Variants in OLFM2 observed in about 807,000 individuals in gnomAD.
OLFM2 encodes the protein noelin-2.
Under a neutral mutation model 43.9 loss-of-function variants are expected in OLFM2, and 20 were observed. The ratio of observed to expected loss-of-function variants is 0.46; its 90% CI spans 0.32 to 0.66. OLFM2 has a LOEUF of 0.66. OLFM2 is among the 30% of genes least tolerant of loss of function. The pLI, the probability that OLFM2 is intolerant of heterozygous loss-of-function variation, is 0.04. For missense variants in OLFM2, 416 were observed against 643.6 expected (o/e 0.65, Z 3.83); for synonymous variants, 268 against 278.6 (o/e 0.96, Z 0.38).
chr19:9,895,627 TTTA>T (rs2046677001), intron 1 of OLFM2, among the ~76,000 whole-genome samples: 2 of 152,118 alleles, frequency 1.3e-5, no homozygotes, highest in African/African-American at 4.8e-5. Context: ...GGAAACTTTA[TTTA>T]TTTTTATTAT....
chr19:9,912,066 C>T (rs932571360), intron 1 of OLFM2, among the ~76,000 whole-genome samples: 5 of 152,156 alleles, frequency 3.3e-5, no homozygotes, highest in African/African-American at 1.2e-4. Context: ...GCACATCGGA[C>T]CCCATGCCGG....
chr19:9,889,439 AG>A, intron 1 of OLFM2, among the ~76,000 whole-genome samples: 1 of 151,978 alleles, frequency 6.6e-6, no homozygotes, highest in Non-Finnish European at 1.5e-5. Flanking sequence ...TTGTAGAGAT[AG>A]GGTCTCACTA....
intron 2 of OLFM2, among the ~76,000 whole-genome samples, chr19:9,859,681 G>A (rs2046352122): frequency 6.6e-6 from 1 of 152,194 alleles, no homozygotes; most frequent in African/African-American, 2.4e-5. Context: ...CCCTCCCCAA[G>A]GGGCACAGAA....
chr19:9,922,188 T>C (rs903182933), intron 1 of OLFM2, among the ~76,000 whole-genome samples: 9 of 152,098 alleles, frequency 5.9e-5, no homozygotes, highest in African/African-American at 2.2e-4. Flanking sequence ...GAGAAGATAT[T>C]TGCAGTCATT....
chr19:9,889,000 A>C (rs1484530084), intron 1 of OLFM2, among the ~76,000 whole-genome samples: 2 of 151,000 alleles, frequency 1.3e-5, no homozygotes, highest in Non-Finnish European at 2.9e-5. Context: ...CGGGAGGCAG[A>C]GGTTGCAGTG....
intron 1 of OLFM2, among the ~76,000 whole-genome samples, chr19:9,861,294 T>A (rs762631730): frequency 1.0e-4 from 15 of 150,548 alleles, no homozygotes; most frequent in South Asian, 2.1e-4. Context: ...AGTGGCGCGA[T>A]CTGGGCTCAC....
intron 1 of OLFM2, among the ~76,000 whole-genome samples, chr19:9,885,850 T>C (rs1599480659): frequency 6.6e-6 from 1 of 151,954 alleles, no homozygotes; most frequent in Non-Finnish European, 1.5e-5. Flanking sequence ...GTAATCCCAG[T>C]ACTTTGGGAG....
intron 1 of OLFM2, among the ~76,000 whole-genome samples, chr19:9,877,304 C>G (rs1401715805): frequency 1.3e-5 from 2 of 149,822 alleles, no homozygotes; most frequent in Admixed American, 6.7e-5. Context: ...GAGGCTGAGG[C>G]GGGCAGATCA....
At chr19:9,885,794 G>A (rs1228954565) in intron 1 of OLFM2, among the ~76,000 whole-genome samples, 1 of 152,022 alleles carries the variant, frequency 6.6e-6, no homozygotes, top group African/African-American at 2.4e-5. Flanking sequence ...CCCCTGCCCT[G>A]ACTTTCAATT....
chr19:9,931,074 A>C (rs2086479243), intron 1 of OLFM2, among the ~76,000 whole-genome samples: 1 of 151,908 alleles, frequency 6.6e-6, no homozygotes, highest in South Asian at 2.1e-4. Context: ...CATAATCTTA[A>C]ATCCAGCCCC....
chr19:9,921,511 C>T (rs1261775245), intron 1 of OLFM2, among the ~76,000 whole-genome samples: 8 of 145,366 alleles, frequency 5.5e-5, no homozygotes, highest in Admixed American at 1.4e-4. Context: ...TTTTTTGAGA[C>T]GGAGTCTCAC....
At chr19:9,877,553 A>C (rs2046501505) in intron 1 of OLFM2, among the ~76,000 whole-genome samples, 1 of 151,182 alleles carries the variant, frequency 6.6e-6, no homozygotes, top group Admixed American at 6.6e-5. Context: ...TAAATAAATA[A>C]ATAAATAAAT....
rs183701422 is a variant in OLFM2 at position 9,861,152 on chromosome 19, C to T, written c.64-358G>A. 3.3e-5 allele frequency among the ~76,000 whole-genome samples: 5 copies of T among 152,158 alleles called. No homozygotes were observed. In the East Asian group the frequency reaches 9.7e-4, roughly 29 times the overall value. On this transcript the variant is annotated intron_variant, in intron 1 of 5. Transcript: ENST00000264833. The stretch of plus-strand genomic sequence containing the variant: ...CAAACCTGGACCTCCTCTCTGCTTC[C>T]CCAGCCCACAGTGACATATCGGCTC...
chr19:9,909,196 G>T (rs1205733418), intron 1 of OLFM2, among the ~76,000 whole-genome samples: 1 of 152,086 alleles, frequency 6.6e-6, no homozygotes, highest in African/African-American at 2.4e-5. Flanking sequence ...TAAAGCAAAA[G>T]GTCCCCCTCA....
chr19:9,860,541 G>T, intron 2 of OLFM2, 104 bp downstream of exon 2: 3 of 1,223,578 alleles, frequency 2.5e-6, no homozygotes, highest in Non-Finnish European at 3.5e-6. Flanking sequence ...TGAATAATTT[G>T]CATAGCTGGA....
chr19:9,855,114 A>G (rs2046305309), intron 5 of OLFM2, among the ~76,000 whole-genome samples: 1 of 152,022 alleles, frequency 6.6e-6, no homozygotes, highest in African/African-American at 2.4e-5. Flanking sequence ...TAACCACCCA[A>G]TATCCAATGA....
chr19:9,890,232 G>A (rs1461838955), intron 1 of OLFM2, among the ~76,000 whole-genome samples: 1 of 152,134 alleles, frequency 6.6e-6, no homozygotes, highest in Non-Finnish European at 1.5e-5. Flanking sequence ...ACCCACTCCG[G>A]GGGCAGAGAA....
At position 9,857,575 on chromosome 19, in the gene OLFM2, C is replaced by G; in HGVS notation, c.361-93G>C. 6.4e-7 allele frequency: 1 copy of G among 1,557,772 alleles called. No individual in the cohort carries two copies. Among genetic ancestry groups the G allele is most frequent in the Non-Finnish European group, 8.8e-7 (1 of 1,137,302 alleles). On this transcript the variant is annotated intron_variant, in intron 3 of 5. Coordinates refer to ENST00000264833, the MANE Select transcript of OLFM2 (RefSeq NM_058164.4). The surrounding 1 kb of genome is among the most constrained non-coding windows in gnomAD (Gnocchi z 5.7). The stretch of plus-strand genomic sequence containing the variant: ...TCTGACTCATAACTTCACCCTTTGT[C>G]TTTGATGCACACCTGGCCCTTGACA...
chr19:9,894,689 A>G (rs1599485684), intron 1 of OLFM2, among the ~76,000 whole-genome samples: 1 of 152,242 alleles, frequency 6.6e-6, no homozygotes, highest in East Asian at 1.9e-4. Flanking sequence ...AGCCTGGGCA[A>G]CAAGAGCAAA....
Sources: allele counts gnomAD v4.1 joint callset (sites outside exome capture counted in the v4.1 genomes callset), GRCh38; gene constraint gnomAD v4.1.1; non-coding constraint Gnocchi (gnomAD v3.1); transcripts MANE v1.5; gene names NCBI Gene and HGNC (gene_info 2026-07-23, HGNC 2026-07-21).